The following CACNA2D1 variants were observed in gnomAD, a reference collection of about 807,000 sequenced individuals.
The protein encoded by CACNA2D1 is voltage-dependent calcium channel subunit alpha-2/delta-1.
CACNA2D1 carries 53 observed loss-of-function variants against 171.5 expected under a neutral mutation model. The ratio of observed to expected loss-of-function variants is 0.31; its 90% confidence interval spans 0.25 to 0.39. The LOEUF is 0.39. Ranked by LOEUF, CACNA2D1 falls within the 10% of genes least tolerant of loss-of-function variation. The probability of loss-of-function intolerance (pLI) is 1.00; values close to 1 mark genes in which losing one functional copy is unlikely to be tolerated. For missense variants in CACNA2D1, 903 were observed against 1,299.8 expected (o/e 0.69, Z 4.69); for synonymous variants, 442 against 443.1 (o/e 1.00, Z 0.03).
intron 1 of CACNA2D1, among the ~76,000 whole-genome samples, chr7:82,425,366 G>T (rs1436149577): frequency 6.6e-6 from 1 of 152,106 alleles, no homozygotes; most frequent in East Asian, 1.9e-4. Context: ...CTGCAGCCTT[G>T]TGAGACTGAA....
chr7:82,017,423 G>C (rs904902160), intron 12 of CACNA2D1, among the ~76,000 whole-genome samples: 1 of 151,960 alleles, frequency 6.6e-6, no homozygotes, highest in African/African-American at 2.4e-5. Context: ...ATATTGTATA[G>C]TGCATATAAA....
intron 1 of CACNA2D1, among the ~76,000 whole-genome samples, chr7:82,407,774 A>G (rs904764856): frequency 2.0e-5 from 3 of 152,168 alleles, no homozygotes; most frequent in Non-Finnish European, 2.9e-5. Context: ...ACACTGTAGA[A>G]CATAGTATTT....
At chr7:82,386,993 A>G (rs1057043865) in intron 1 of CACNA2D1, among the ~76,000 whole-genome samples, 2 of 152,058 alleles carry the variant, frequency 1.3e-5, no homozygotes, top group African/African-American at 4.8e-5. Context: ...CTTAATGTAT[A>G]TAGTATAAAG....
intron 1 of CACNA2D1, among the ~76,000 whole-genome samples, chr7:82,420,171 A>T (rs1828585983): frequency 6.6e-6 from 1 of 152,220 alleles, no homozygotes; most frequent in Non-Finnish European, 1.5e-5. Context: ...AGACATTAAT[A>T]GTTATGTTCA....
rs547604491 is a variant in CACNA2D1 at position 82,388,037 on chromosome 7, G to A, written c.96-38388C>T. Among the ~76,000 whole-genome samples, 76 of 151,030 alleles carry A rather than the reference G, an allele frequency of 5.0e-4. No individual in the cohort carries two copies. The Middle Eastern group carries it at 0.01, about 20-fold the overall frequency. The stretch of plus-strand genomic sequence containing the variant: ...GGTTCAAGCTATTGCACTCCAGCCT[G>A]GGTGACAAAGTGAGACCCTGTCTCC... On this transcript the variant is annotated intron_variant, in intron 1 of 38. Coordinates refer to ENST00000356860, the MANE Select transcript of CACNA2D1 (RefSeq NM_000722.4).
At chr7:81,952,622 C>G (rs1464952140) in intron 38 of CACNA2D1, among the ~76,000 whole-genome samples, 1 of 152,020 alleles carries the variant, frequency 6.6e-6, no homozygotes, top group African/African-American at 2.4e-5. Flanking sequence ...TCTGGTTTTT[C>G]TTGAAACTTG....
At chr7:82,004,995 C>A (rs965730897) in intron 18 of CACNA2D1, among the ~76,000 whole-genome samples, 1 of 152,052 alleles carries the variant, frequency 6.6e-6, no homozygotes, top group Non-Finnish European at 1.5e-5. Context: ...AAAGGAAAAC[C>A]ATTCTGGGAG....
intron 26 of CACNA2D1, among the ~76,000 whole-genome samples, chr7:81,971,351 A>C (rs1023042872): frequency 2.0e-5 from 3 of 151,656 alleles, no homozygotes; most frequent in Non-Finnish European, 4.4e-5. Context: ...GAGGTAGAGA[A>C]GAAAACATTG....
chr7:82,206,266 G>A (rs140806891), intron 3 of CACNA2D1, among the ~76,000 whole-genome samples: 125 of 151,752 alleles, frequency 8.2e-4, no homozygotes, highest in African/African-American at 2.4e-3. Flanking sequence ...TATATTTGTC[G>A]TTGTTGTTTA....
chr7:82,429,430 G>A (rs915105628), intron 1 of CACNA2D1, among the ~76,000 whole-genome samples: 1 of 152,140 alleles, frequency 6.6e-6, no homozygotes, highest in African/African-American at 2.4e-5. Context: ...GTAGCCTGCT[G>A]ACCCCAGGTT....
intron 1 of CACNA2D1, among the ~76,000 whole-genome samples, chr7:82,354,692 G>C (rs1428375221): frequency 6.6e-6 from 1 of 152,116 alleles, no homozygotes; most frequent in Non-Finnish European, 1.5e-5. Flanking sequence ...TTAAGGACTT[G>C]GCACTATACC....
At chr7:81,965,727 T>G (rs927411910) in intron 31 of CACNA2D1, 62 bp from the exon 32 acceptor site, 1 of 919,778 alleles carries the variant, frequency 1.1e-6, no homozygotes, top group Non-Finnish European at 1.8e-6. Context: ...GCATTGTCTT[T>G]ACCCCATTAT....
intron 14 of CACNA2D1, among the ~76,000 whole-genome samples, chr7:82,012,732 C>CTTGA (rs1300706414): frequency 6.6e-6 from 1 of 152,090 alleles, no homozygotes; most frequent in African/African-American, 2.4e-5. Flanking sequence ...AGACATCAGA[C>CTTGA]TCAAATGCAG....
At position 82,017,554 on chromosome 7, in the gene CACNA2D1, A is replaced by G. The variant is rs796962344; in HGVS notation, c.1144-3075T>C. Among the ~76,000 whole-genome samples, 3 of 151,948 alleles carry G rather than the reference A, an allele frequency of 2.0e-5. No individual in the cohort carries two copies. The South Asian group carries it at 6.2e-4, about 31-fold the overall frequency. ...TGCCACCATGTGGAATAGTCAATGA[A>G]CTAAATTCCAGATGCTAAAGTCCAC... On this transcript the variant is annotated intron_variant, in intron 12 of 38. Coordinates refer to ENST00000356860, the MANE Select transcript of CACNA2D1 (RefSeq NM_000722.4).
At chr7:82,340,049 G>A (rs775219949) in intron 2 of CACNA2D1, among the ~76,000 whole-genome samples, 4 of 152,144 alleles carry the variant, frequency 2.6e-5, no homozygotes, top group Admixed American at 6.5e-5. Context: ...TGAAGACCAA[G>A]GGAAGGAGAA....
intron 4 of CACNA2D1, among the ~76,000 whole-genome samples, chr7:82,148,166 T>G (rs1793363979): frequency 6.6e-6 from 1 of 152,100 alleles, no homozygotes; most frequent in Admixed American, 6.6e-5. Context: ...CTAAAACAAA[T>G]ATATCACTGT....
chr7:82,300,185 G>A (rs188230186), intron 3 of CACNA2D1, among the ~76,000 whole-genome samples: 31 of 151,752 alleles, frequency 2.0e-4, no homozygotes, highest in African/African-American at 6.8e-4. Flanking sequence ...AATAAAGCAC[G>A]AAGTTAGGGA....
chr7:82,423,001 T>G (rs901037227), intron 1 of CACNA2D1, among the ~76,000 whole-genome samples: 3 of 152,104 alleles, frequency 2.0e-5, no homozygotes, highest in Non-Finnish European at 4.4e-5. Flanking sequence ...TAACTGAACA[T>G]CTGAACCAAA....
intron 18 of CACNA2D1, among the ~76,000 whole-genome samples, chr7:81,998,684 C>T (rs947463218): frequency 9.9e-5 from 15 of 152,102 alleles, no homozygotes; most frequent in Admixed American, 3.3e-4. Flanking sequence ...TCTATCACTA[C>T]AATCAGAAGA....
Sources: allele counts gnomAD v4.1 joint callset (sites outside exome capture counted in the v4.1 genomes callset), GRCh38; gene constraint gnomAD v4.1.1; transcripts MANE v1.5; gene names NCBI Gene and HGNC (gene_info 2026-07-23, HGNC 2026-07-21).